The following YARS1 variants were observed in gnomAD, a reference collection of about 807,000 sequenced individuals.
YARS1 encodes the protein tyrosyl-tRNA synthetase 1.
Under a neutral mutation model 62.2 loss-of-function variants are expected in YARS1, and 36 were observed. The ratio of observed to expected loss-of-function variants is 0.58; its 90% confidence interval spans 0.44 to 0.76. YARS1 has a LOEUF of 0.76. Ranked by LOEUF, YARS1 falls within the 30% of genes least tolerant of loss-of-function variation. The probability of loss-of-function intolerance (pLI) is 0.00; values close to 1 mark genes in which losing one functional copy is unlikely to be tolerated. For synonymous variants in YARS1, 234 were observed against 244.9 expected (o/e 0.96, Z 0.42); for missense variants, 524 against 639.8 (o/e 0.82, Z 1.95).
intron 12 of YARS1, among the ~76,000 whole-genome samples, chr1:32,777,159 A>G (rs1416495177): frequency 1.3e-5 from 2 of 151,630 alleles, no homozygotes; most frequent in Non-Finnish European, 2.9e-5. Flanking sequence ...CGTCTTAAGT[A>G]GCTGGGATTA....
Position 32,781,231 on chromosome 1 carries a change from A to G in YARS1, c.1043-86T>C, listed in dbSNP as rs1653045790. ...CCCACCACGTTAAGACACTGAGATT[A>G]GGTAAGATTTAGTGTAGAATCCCCA... On this transcript the variant is annotated intron_variant, in intron 9 of 12. Coordinates refer to ENST00000373477, the MANE Select transcript of YARS1 (RefSeq NM_003680.4). The G allele has an allele frequency of 7.3e-6, 8 of 1,100,012 alleles. No individual in the cohort carries two copies. The Admixed American group carries it at 1.4e-4, about 19-fold the overall frequency. 68.1% of individuals were successfully genotyped at this position (1,100,012 alleles called of 1,614,324 possible). A position where few individuals can be genotyped will look rare whatever the true frequency, so the allele number is the denominator to read the frequency against.
rs1338856020 is a variant in YARS1, at chr1:32,779,360, G to T, written c.1476+22C>A. Reference sequence around the variant, plus strand: ...CAGTCCAGGCAGCCCAGCCAAGAAAGGGAACAATTACAGCTTTTTACCTGC... The same window carrying T: ...CAGTCCAGGCAGCCCAGCCAAGAAATGGAACAATTACAGCTTTTTACCTGC... On this transcript the variant is annotated intron_variant, in intron 12 of 12. Coordinates refer to ENST00000373477, the MANE Select transcript of YARS1 (RefSeq NM_003680.4). 14 of 1,614,046 alleles carry T rather than the reference G, an allele frequency of 8.7e-6. No homozygotes were observed. In the South Asian group the frequency reaches 1.2e-4, roughly 14 times the overall value.
chr1:32,783,955 G>A (rs1312580085), intron 8 of YARS1, among the ~76,000 whole-genome samples: 1 of 151,988 alleles, frequency 6.6e-6, no homozygotes, highest in African/African-American at 2.4e-5. Context: ...GGATAACATG[G>A]CTGCAGACCT....
intron 1 of YARS1, chr1:32,811,742 C>T (rs1638591700): frequency 1.3e-5 from 2 of 155,814 alleles, no homozygotes; most frequent in African/African-American, 4.8e-5. Context: ...TGTGGCGTTT[C>T]TCTATAACTC....
chr1:32,816,328 C>A (rs1219635711), intron 1 of YARS1, among the ~76,000 whole-genome samples: 3 of 152,076 alleles, frequency 2.0e-5, no homozygotes, highest in Non-Finnish European at 4.4e-5. Context: ...TGCAAGGCTC[C>A]CGTGACTTGG....
intron 4 of YARS1, chr1:32,798,246 G>A: frequency 4.3e-6 from 1 of 230,584 alleles, no homozygotes; most frequent in Non-Finnish European, 8.7e-6. Context: ...TTTTTCAGAA[G>A]GTAAAGCCAA....
rs189500574 is a variant in YARS1 at position 32,804,579 on chromosome 1, C to T, written c.510+1903G>A. 1.5e-3 allele frequency among the ~76,000 whole-genome samples: 233 copies of T among 151,458 alleles called. 1 individual carries two copies. Among genetic ancestry groups the T allele is most frequent in the African/African-American group, 5.2e-3 (214 of 41,242 alleles). On this transcript the variant is annotated intron_variant, in intron 4 of 12. Transcript: ENST00000373477. ...GGGGTGGCGGTCGGGCAGAGACACT[C>T]CTCAGTTCCCAGACCGGGTCGCGGC...
intron 6 of YARS1, among the ~76,000 whole-genome samples, chr1:32,789,835 C>A (rs948404588): frequency 6.8e-6 from 1 of 146,226 alleles, no homozygotes; most frequent in South Asian, 2.2e-4. Flanking sequence ...GGTGATCCAC[C>A]CGCCTTGGCC....
chr1:32,781,838 A>G (rs1653068180), intron 9 of YARS1: 1 of 162,164 alleles, frequency 6.2e-6, no homozygotes, highest in Non-Finnish European at 1.3e-5. Flanking sequence ...TGAGACATAG[A>G]GTCTCACTCT....
intron 5 of YARS1, among the ~76,000 whole-genome samples, chr1:32,793,213 G>A (rs1379041822): frequency 1.3e-5 from 2 of 152,130 alleles, no homozygotes; most frequent in African/African-American, 4.8e-5. Context: ...CCCTAGAGGA[G>A]AAAGAGAATA....
intron 5 of YARS1, among the ~76,000 whole-genome samples, chr1:32,792,327 T>C (rs1348890117): frequency 6.6e-6 from 1 of 152,136 alleles, no homozygotes; most frequent in Non-Finnish European, 1.5e-5. Flanking sequence ...AAGTAGACGT[T>C]CTAACAAAGC....
chr1:32,802,894 T>A (rs1638334827), intron 4 of YARS1, among the ~76,000 whole-genome samples: 1 of 151,830 alleles, frequency 6.6e-6, no homozygotes, highest in South Asian at 2.1e-4. Flanking sequence ...CTCACTGCAA[T>A]CTCTGCCTCC....
chr1:32,806,378 A>G, intron 4 of YARS1, 104 bp downstream of exon 4: 1 of 1,587,998 alleles, frequency 6.3e-7, no homozygotes, highest in Non-Finnish European at 8.6e-7. Flanking sequence ...ATTTGTAAAA[A>G]ACACAATATC....
intron 11 of YARS1, 108 bp downstream of exon 11, chr1:32,779,977 C>A: frequency 9.7e-6 from 13 of 1,344,790 alleles, no homozygotes; most frequent in South Asian, 1.2e-5. Flanking sequence ...GGAAGAGGCA[C>A]GTGTTCTCAG....
Position 32,806,539 on chromosome 1 carries a change from C to G in YARS1, c.453G>C (p.Glu151Asp). 1 of 1,614,146 alleles carries G rather than the reference C, an allele frequency of 6.2e-7. No homozygotes were observed. ...TQHDSKKAGA[E>D]VVKQVEHPLL... ...AAGGGTGCTCCACCTGCTTTACCAC[C>G]TCAGCTCCAGCCTTCTTGGAATCGT... Residue 151 changes from glutamate to aspartate, a missense_variant, in exon 4 of 13, where the codon GAG becomes GAC. Transcript: ENST00000373477.
At chr1:32,786,630 C>T in intron 7 of YARS1, 183 bp from the exon 8 acceptor site, 1 of 738,222 alleles carries the variant, frequency 1.4e-6, no homozygotes, top group South Asian at 1.6e-5. Flanking sequence ...AGCATCTCAG[C>T]TGCTTCAGGG....
At chr1:32,794,397 AT>A (rs1178698319) in intron 5 of YARS1, among the ~76,000 whole-genome samples, 4 of 152,044 alleles carry the variant, frequency 2.6e-5, no homozygotes. Flanking sequence ...GATTTATTTT[AT>A]TTTATTTTTG....
intron 4 of YARS1, among the ~76,000 whole-genome samples, chr1:32,799,953 C>T (rs1291556466): frequency 1.3e-5 from 2 of 151,844 alleles, no homozygotes; most frequent in Non-Finnish European, 2.9e-5. Flanking sequence ...ACCATGGCGC[C>T]CAGCCAACAG....
chr1:32,797,965 G>A, intron 4 of YARS1, 122 bp from the exon 5 acceptor site: 1 of 789,908 alleles, frequency 1.3e-6, no homozygotes, highest in Non-Finnish European at 2.1e-6. Flanking sequence ...CTGCCTCTCA[G>A]GTTCAAGTGA....
Sources: allele counts gnomAD v4.1 joint callset (sites outside exome capture counted in the v4.1 genomes callset), GRCh38; gene constraint gnomAD v4.1.1; transcripts MANE v1.5; gene names NCBI Gene and HGNC (gene_info 2026-07-23, HGNC 2026-07-21).